PPP2R3A: variants seen among roughly 807,000 people sequenced by gnomAD.
The protein encoded by PPP2R3A is serine/threonine-protein phosphatase 2A regulatory subunit B'' subunit alpha.
A neutral mutation model predicts 106.9 loss-of-function variants in PPP2R3A; 80 were observed. That is an observed-to-expected ratio of 0.75 (90% confidence interval 0.62 to 0.90). The LOEUF (loss-of-function observed/expected upper bound fraction) is 0.90. PPP2R3A is among the 40% of genes least tolerant of loss of function. The pLI is 0.00. For missense variants in PPP2R3A, 1,386 were observed against 1,350.4 expected (o/e 1.03, Z -0.41); for synonymous variants, 483 against 468.3 (o/e 1.03, Z -0.41).
chr3:136,070,406 A>G lies in PPP2R3A; in HGVS notation c.2470-72A>G, dbSNP rs981887086. 4 of 1,241,934 alleles carry G rather than the reference A, an allele frequency of 3.2e-6. No individual in the cohort carries two copies. In the East Asian group the frequency reaches 7.5e-5, roughly 23 times the overall value. 76.9% of individuals were successfully genotyped at this position (1,241,934 alleles called of 1,614,324 possible). On this transcript the variant is annotated intron_variant, in intron 5 of 13. Transcript: ENST00000264977. ...CAAGTTTGCTCAACTGGCAACATAC[A>G]GGAAGGAAAAACTTCCATAGGCATA...
intron 4 of PPP2R3A, among the ~76,000 whole-genome samples, chr3:136,048,025 C>T (rs1280171744): frequency 2.0e-5 from 3 of 151,926 alleles, no homozygotes; most frequent in Non-Finnish European, 4.4e-5. Flanking sequence ...GAGATGGATT[C>T]GTTCATACTC....
intron 5 of PPP2R3A, chr3:136,055,671 G>C: frequency 9.2e-7 from 1 of 1,088,696 alleles, no homozygotes; most frequent in Non-Finnish European, 1.4e-6. Flanking sequence ...TTCATAAGGA[G>C]CTTACTAACT....
At chr3:136,036,493 G>A (rs1346144613) in intron 3 of PPP2R3A, among the ~76,000 whole-genome samples, 1 of 152,118 alleles carries the variant, frequency 6.6e-6, no homozygotes, top group Non-Finnish European at 1.5e-5. Context: ...TCTCTCTTCT[G>A]GATCTAGCCG....
chr3:135,974,289 T>G (rs1411451858), intron 1 of PPP2R3A, among the ~76,000 whole-genome samples: 1 of 152,192 alleles, frequency 6.6e-6, no homozygotes, highest in Non-Finnish European at 1.5e-5. Flanking sequence ...TCTCATGACT[T>G]TAAATACCAT....
At chr3:135,989,606 T>C (rs9836374) in intron 1 of PPP2R3A, among the ~76,000 whole-genome samples, 38,624 of 151,952 alleles carry the variant, frequency 0.25, 5,406 homozygotes, top group Non-Finnish European at 0.32. Context: ...TGAGCTTCCA[T>C]ATGTCTTACC....
chr3:136,137,204 T>C (rs913102162), intron 13 of PPP2R3A, among the ~76,000 whole-genome samples: 2 of 152,184 alleles, frequency 1.3e-5, no homozygotes, highest in Non-Finnish European at 1.5e-5. Flanking sequence ...GTTACTATCC[T>C]AAGAAACTGA....
intron 3 of PPP2R3A, among the ~76,000 whole-genome samples, chr3:136,036,479 GT>G (rs1935090025): frequency 6.6e-6 from 1 of 152,160 alleles, no homozygotes; most frequent in Non-Finnish European, 1.5e-5. Context: ...TGTAGTGATT[GT>G]TATCTCTCTT....
intron 2 of PPP2R3A, among the ~76,000 whole-genome samples, chr3:136,013,180 G>GTGTATGTATGTATGTA (rs201268370): frequency 2.8e-5 from 4 of 142,168 alleles, no homozygotes. Context: ...GTGTGTGTGT[G>GTGTATGTATGTATGTA]TGTATGTATG....
At chr3:136,119,484 T>C (rs921782620) in intron 13 of PPP2R3A, among the ~76,000 whole-genome samples, 1 of 151,952 alleles carries the variant, frequency 6.6e-6, no homozygotes, top group African/African-American at 2.4e-5. Flanking sequence ...AGGGCTAATA[T>C]CCAAAATCTA....
intron 13 of PPP2R3A, among the ~76,000 whole-genome samples, chr3:136,107,548 CAG>C (rs1283330543): frequency 1.4e-5 from 2 of 141,748 alleles, no homozygotes; most frequent in Non-Finnish European, 3.0e-5. Context: ...GAGGGATAAA[CAG>C]AAACTATCCA....
chr3:136,055,493 T>TTG, intron 5 of PPP2R3A: 1 of 1,171,276 alleles, frequency 8.5e-7, no homozygotes, highest in East Asian at 2.4e-5. Context: ...AGAGACCAGT[T>TTG]TAGTTTGGAG....
intron 4 of PPP2R3A, among the ~76,000 whole-genome samples, chr3:136,044,805 G>A (rs558460054): frequency 2.6e-5 from 4 of 152,158 alleles, no homozygotes; most frequent in African/African-American, 7.2e-5. Flanking sequence ...TCCTAAGGAA[G>A]GGGTGAAAGA....
chr3:136,027,212 T>C, intron 3 of PPP2R3A, 114 bp downstream of exon 3: 5 of 943,390 alleles, frequency 5.3e-6, no homozygotes, highest in Non-Finnish European at 7.7e-6. Flanking sequence ...GCTCTGTTTT[T>C]AAGCATGCAT....
chr3:136,091,847 C>T (rs953120457), intron 10 of PPP2R3A, among the ~76,000 whole-genome samples: 16 of 152,114 alleles, frequency 1.1e-4, no homozygotes, highest in Middle Eastern at 3.4e-3. Flanking sequence ...TTTTCATATA[C>T]CAGCAGAGTA....
In PPP2R3A at chr3:135,977,688, C is replaced by CTTTTTTT. The variant is rs66592538; in HGVS notation, c.-441+11861_-441+11867dup. On this transcript the variant is annotated intron_variant, in intron 1 of 13. Coordinates refer to ENST00000264977, the MANE Select transcript of PPP2R3A (RefSeq NM_002718.5). ...AAGTTGCATTCATCTGATCAGCATT[C>CTTTTTTT]TTTTTTTTTTTTTTTTTTTTTTTTT... Among the ~76,000 whole-genome samples the CTTTTTTT allele has an allele frequency of 1.7e-3, 103 of 61,124 alleles. 16 individuals carry two copies. Among genetic ancestry groups the CTTTTTTT allele is most frequent in the African/African-American group, 5.9e-3 (85 of 14,296 alleles). 40.1% of individuals were successfully genotyped at this position (61,124 alleles called of 152,430 possible).
At chr3:135,978,686 A>G (rs1576406830) in intron 1 of PPP2R3A, among the ~76,000 whole-genome samples, 1 of 151,914 alleles carries the variant, frequency 6.6e-6, no homozygotes, top group East Asian at 1.9e-4. Flanking sequence ...CTTGACATTT[A>G]AAAACTAAAC....
Position 136,043,172 on chromosome 3 carries a change from G to A in PPP2R3A, c.2366+2210G>A, listed in dbSNP as rs1020703248. The stretch of plus-strand genomic sequence containing the variant: ...AAATATAAAAGTCATAAGAATATAG[G>A]GAAATGGCCGGGCGTGGTGGCTCAC... On this transcript the variant is annotated intron_variant, in intron 4 of 13. Coordinates refer to ENST00000264977, the MANE Select transcript of PPP2R3A (RefSeq NM_002718.5). Among the ~76,000 whole-genome samples, 86 of 151,960 alleles carry A rather than the reference G, an allele frequency of 5.7e-4. 1 individual carries two copies. Among genetic ancestry groups the A allele is most frequent in the African/African-American group, 2.1e-3 (86 of 41,386 alleles).
intron 2 of PPP2R3A, among the ~76,000 whole-genome samples, chr3:136,010,498 C>T (rs1934026345): frequency 7.2e-6 from 1 of 139,148 alleles, no homozygotes; most frequent in Admixed American, 7.5e-5. Context: ...GGGATCTCGG[C>T]TCACTGCAAG....
chr3:136,009,243 G>A (rs1185428513), intron 2 of PPP2R3A, among the ~76,000 whole-genome samples: 1 of 152,074 alleles, frequency 6.6e-6, no homozygotes, highest in South Asian at 2.1e-4. Context: ...GCCTGGAGGG[G>A]GCAGTAAGGG....
Sources: allele counts gnomAD v4.1 joint callset (sites outside exome capture counted in the v4.1 genomes callset), GRCh38; gene constraint gnomAD v4.1.1; transcripts MANE v1.5; gene names NCBI Gene and HGNC (gene_info 2026-07-23, HGNC 2026-07-21).